Variants in UBXN7 observed in about 807,000 individuals in gnomAD.
The protein encoded by UBXN7 is UBX domain protein 7, also known as UBX domain-containing protein 7.
A neutral mutation model predicts 58.0 loss-of-function variants in UBXN7; 9 were observed. That is an observed-to-expected ratio of 0.16 (90% CI 0.09 to 0.27). The LOEUF is 0.27. Among genes scored for constraint, UBXN7 ranks in the 10% least tolerant of loss-of-function variants. The pLI, the probability that UBXN7 is intolerant of heterozygous loss-of-function variation, is 1.00. For missense variants in UBXN7, 328 were observed against 599.6 expected, an observed-to-expected ratio of 0.55 and a Z score of 4.73; for synonymous variants, 208 against 205.0, an observed-to-expected ratio of 1.01 and a Z score of -0.12.
chr3:196,424,853 C>T lies in UBXN7; in HGVS notation c.73+7474G>A, dbSNP rs1375554693. 3.9e-5 allele frequency among the ~76,000 whole-genome samples: 6 copies of T among 152,020 alleles called. No homozygotes were observed. In the East Asian group the frequency reaches 1.2e-3, roughly 29 times the overall value. On this transcript the variant is annotated intron_variant, in intron 1 of 10. Transcript: ENST00000296328. ...GAGTAGCTGGGATTACAGGCACACACCACCATGCCCGGCTAGTTTTGTATT... is the reference window on the plus strand; with the variant it reads ...GAGTAGCTGGGATTACAGGCACACATCACCATGCCCGGCTAGTTTTGTATT...
rs1728132819 is a variant in UBXN7, at chr3:196,348,341, GC to G, written c.*8343del. On this transcript the variant is annotated 3_prime_UTR_variant, in exon 11 of 11. Transcript: ENST00000296328. ...CTGCAGAAATCAACGGTATCTCCTA[GC>G]ACCATTGGAGAAAAGGCCCAGAAAA... 2.6e-5 allele frequency: 4 copies of G among 152,126 alleles called. 1 individual carries two copies. The South Asian group carries it at 8.3e-4, about 32-fold the overall frequency. 9.4% of individuals were successfully genotyped at this position (152,126 alleles called of 1,614,324 possible).
At chr3:196,360,155 C>T (rs1728467444) in intron 10 of UBXN7, among the ~76,000 whole-genome samples, 1 of 152,346 alleles carries the variant, frequency 6.6e-6, no homozygotes, top group African/African-American at 2.4e-5. Context: ...ATCTCCATAA[C>T]ATCAAAGTGC....
chr3:196,431,687 T>C (rs1234631018), intron 1 of UBXN7: 1 of 326,162 alleles, frequency 3.1e-6, no homozygotes, highest in Non-Finnish European at 6.2e-6. Context: ...TTCCCCCTCA[T>C]TCTTCCCTCA....
intron 10 of UBXN7, among the ~76,000 whole-genome samples, chr3:196,361,209 CTAGAAT>C (rs1284879507): frequency 3.3e-5 from 5 of 152,076 alleles, no homozygotes; most frequent in Non-Finnish European, 5.9e-5. Context: ...TGCAAGAGAA[CTAGAAT>C]TAGAAGTGGA....
At chr3:196,391,316 TC>T (rs1388552122) in intron 5 of UBXN7, among the ~76,000 whole-genome samples, 1 of 152,156 alleles carries the variant, frequency 6.6e-6, no homozygotes, top group African/African-American at 2.4e-5. Context: ...GAAATATATT[TC>T]ATATATTGCT....
At chr3:196,381,673 G>A (rs552700016) in intron 5 of UBXN7, among the ~76,000 whole-genome samples, 138 of 152,210 alleles carry the variant, frequency 9.1e-4, no homozygotes, top group Non-Finnish European at 1.6e-3. Flanking sequence ...TCAGAAGGTC[G>A]GTAATAACAA....
intron 3 of UBXN7, among the ~76,000 whole-genome samples, chr3:196,398,078 CAA>C (rs1213441078): frequency 6.6e-6 from 1 of 152,166 alleles, no homozygotes; most frequent in African/African-American, 2.4e-5. Context: ...GATTACGTTA[CAA>C]AAAGACAGTG....
chr3:196,358,071 C>G (rs181506149), intron 10 of UBXN7, among the ~76,000 whole-genome samples: 1 of 152,142 alleles, frequency 6.6e-6, no homozygotes, highest in African/African-American at 2.4e-5. Context: ...CAACACAAAC[C>G]AAAAACCACA....
chr3:196,359,518 C>T, intron 10 of UBXN7, among the ~76,000 whole-genome samples: 1 of 152,162 alleles, frequency 6.6e-6, no homozygotes, highest in East Asian at 1.9e-4. Flanking sequence ...CTGAGACAGA[C>T]ACAAAGCTAG....
intron 1 of UBXN7, among the ~76,000 whole-genome samples, chr3:196,417,042 G>A (rs1358878977): frequency 2.0e-5 from 3 of 152,180 alleles, no homozygotes; most frequent in Non-Finnish European, 2.9e-5. Flanking sequence ...ACACAGGCGC[G>A]GCGGCTCACG....
rs71621241 is a variant in UBXN7 at position 196,408,097 on chromosome 3, C to CAAAAA, written c.74-709_74-705dup. ...TGGGCAACAGAGCGAGACTCTGTCT[C>CAAAAA]AAAAAAAAAAAAAAAAAAAAAAAAG... On this transcript the variant is annotated intron_variant, in intron 1 of 10. Coordinates refer to ENST00000296328, the MANE Select transcript of UBXN7 (RefSeq NM_015562.2). Among the ~76,000 whole-genome samples, 47 of 45,218 alleles carry CAAAAA rather than the reference C, an allele frequency of 1.0e-3. 2 individuals carry two copies. Among genetic ancestry groups the CAAAAA allele is most frequent in the South Asian group, 1.6e-3 (2 of 1,214 alleles). The allele number at this position is 45,218 out of a possible 152,430, so 29.7% of individuals were successfully genotyped here.
intron 3 of UBXN7, among the ~76,000 whole-genome samples, chr3:196,397,040 C>T (rs1387312709): frequency 2.0e-5 from 3 of 152,120 alleles, no homozygotes; most frequent in South Asian, 2.1e-4. Context: ...GTCTTCCCTT[C>T]GTTTACCCTA....
chr3:196,389,653 G>C (rs1243271192), intron 5 of UBXN7, among the ~76,000 whole-genome samples: 2 of 152,202 alleles, frequency 1.3e-5, no homozygotes, highest in African/African-American at 4.8e-5. Context: ...TGCCATGACT[G>C]CAAGCTTCCT....
chr3:196,390,615 C>G (rs989436744), intron 5 of UBXN7, among the ~76,000 whole-genome samples: 1 of 151,850 alleles, frequency 6.6e-6, no homozygotes, highest in African/African-American at 2.4e-5. Flanking sequence ...GTGGTGCGCA[C>G]CTGTTTTCCC....
intron 5 of UBXN7, among the ~76,000 whole-genome samples, chr3:196,372,377 T>C (rs1010603316): frequency 1.3e-5 from 2 of 148,720 alleles, no homozygotes; most frequent in African/African-American, 5.0e-5. Context: ...AGTCTAACTC[T>C]ATTGCCCAGG....
chr3:196,383,238 T>C (rs1729271023), intron 5 of UBXN7, among the ~76,000 whole-genome samples: 1 of 151,742 alleles, frequency 6.6e-6, no homozygotes, highest in African/African-American at 2.4e-5. Flanking sequence ...GGTAAAGGGG[T>C]CAATTCAACA....
rs1464507192 is a variant in UBXN7 at position 196,355,146 on chromosome 3, A to G, written c.*1539T>C. The G allele has an allele frequency of 2.0e-5, 3 of 152,168 alleles. No individual in the cohort carries two copies. The highest frequency in any genetic ancestry group is 7.2e-5 in the African/African-American group (3 of 41,448). 9.4% of individuals were successfully genotyped at this position (152,168 alleles called of 1,614,324 possible). A position where few individuals can be genotyped will look rare whatever the true frequency, so the allele number is the denominator to read the frequency against. The stretch of plus-strand genomic sequence containing the variant: ...AGTAGATGAAAACCTAAAGGTCTCT[A>G]CGCAACATCTGAGGAACATACGCTC... On this transcript the variant is annotated 3_prime_UTR_variant, in exon 11 of 11. Coordinates refer to ENST00000296328, the MANE Select transcript of UBXN7 (RefSeq NM_015562.2).
At position 196,404,081 on chromosome 3, in the gene UBXN7, C is replaced by CT; in HGVS notation, c.222-1063dup. Among the ~76,000 whole-genome samples, 2 of 137,712 alleles carry CT rather than the reference C, an allele frequency of 1.5e-5. 1 individual carries two copies. The highest frequency in any genetic ancestry group is 5.3e-4 in the East Asian group (2 of 3,764). 90.3% of individuals were successfully genotyped at this position (137,712 alleles called of 152,430 possible). ...TTGGCAACATAGTAAGACTCCATCT[C>CT]TAAAAAAAAAAAGAAAAAGAAAAAA... On this transcript the variant is annotated intron_variant, in intron 2 of 10. Transcript: ENST00000296328.
intron 3 of UBXN7, among the ~76,000 whole-genome samples, chr3:196,402,205 G>C (rs11715772): frequency 0.13 from 19,152 of 152,084 alleles, 1,467 homozygotes; most frequent in South Asian, 0.2. Flanking sequence ...ACTTTTAGTA[G>C]AGATGGGATT....
Sources: allele counts gnomAD v4.1 joint callset (sites outside exome capture counted in the v4.1 genomes callset), GRCh38; gene constraint gnomAD v4.1.1; transcripts MANE v1.5; gene names NCBI Gene and HGNC (gene_info 2026-07-23, HGNC 2026-07-21).